The following MEST variants were observed in gnomAD, a reference collection of about 807,000 sequenced individuals.
The protein encoded by MEST is mesoderm specific transcript, also known as mesoderm-specific transcript homolog protein.
A neutral mutation model predicts 50.9 loss-of-function variants in MEST; 18 were observed. The observed-to-expected ratio is 0.35, with a 90% CI of 0.24 to 0.52. The LOEUF is 0.52. MEST is among the 20% of genes least tolerant of loss of function. The probability of loss-of-function intolerance (pLI) is 0.94; values close to 1 mark genes in which losing one functional copy is unlikely to be tolerated. For synonymous variants in MEST, 130 were observed against 154.1 expected (o/e 0.84, Z 1.16); for missense variants, 282 against 425.3 (o/e 0.66, Z 2.96).
Position 130,499,934 on chromosome 7 carries a change from G to T in MEST, c.576+19G>T, listed in dbSNP as rs375954018. ...CCAAAAGGTTGGTACTTCACTGATAGACCTTTAGTTTTAGGATTTGTACTG... is the reference window on the plus strand; with the variant it reads ...CCAAAAGGTTGGTACTTCACTGATATACCTTTAGTTTTAGGATTTGTACTG... On this transcript the variant is annotated intron_variant, in intron 7 of 11. Coordinates refer to ENST00000223215, the MANE Select transcript of MEST (RefSeq NM_002402.4). 7.5e-6 allele frequency: 12 copies of T among 1,605,512 alleles called. No homozygotes were observed. Among genetic ancestry groups the T allele is most frequent in the Non-Finnish European group, 1.0e-5 (12 of 1,174,802 alleles).
At chr7:130,502,760 A>G (rs1554438836) in intron 10 of MEST, 40 bp downstream of exon 10, 1 of 1,494,472 alleles carries the variant, frequency 6.7e-7, no homozygotes, top group Admixed American at 1.7e-5. Flanking sequence ...CTGAAGGACT[A>G]TAGGGTTAAA....
rs1554435549 is a variant in MEST at position 130,492,320 on chromosome 7, C to T, written c.7C>T (p.Arg3Cys). 5 of 1,338,162 alleles carry T rather than the reference C, an allele frequency of 3.7e-6. No homozygotes were observed. The highest frequency in any genetic ancestry group is 4.0e-5 in the Admixed American group (1 of 25,112). 82.9% of individuals were successfully genotyped at this position (1,338,162 alleles called of 1,614,324 possible). MV[R>C]RDRLRRMREW... Reference sequence around the variant, plus strand: ...GGCATGGGATAACGCGGCCATGGTGCGCCGAGATCGCCTCCGCAGGTGAGT... The same window carrying T: ...GGCATGGGATAACGCGGCCATGGTGTGCCGAGATCGCCTCCGCAGGTGAGT... Residue 3 changes from arginine to cysteine, a missense_variant, in exon 1 of 12, where the codon CGC becomes TGC. Physicochemically the swap from Arg to Cys is radical, Grantham distance 180 (BLOSUM62 -3). Coordinates refer to ENST00000223215, the MANE Select transcript of MEST (RefSeq NM_002402.4). This position sits in a 1 kb window ranked among gnomAD's most constrained non-coding sequence, Gnocchi z 7.6.
Position 130,497,861 on chromosome 7 carries a change from C to A in MEST, c.262-75C>A, listed in dbSNP as rs1346582390. ...CTGTTAAGCCAAGATAGGGCTGAAG[C>A]TCCTGTGCAACTGTAGGTCTGGTGA... On this transcript the variant is annotated intron_variant, in intron 3 of 11. Coordinates refer to ENST00000223215, the MANE Select transcript of MEST (RefSeq NM_002402.4). This position sits in a 1 kb window ranked among gnomAD's most constrained non-coding sequence, Gnocchi z 4.0. The A allele has an allele frequency of 1.8e-5, 24 of 1,349,110 alleles. No individual in the cohort carries two copies. The highest frequency in any genetic ancestry group is 2.6e-5 in the Non-Finnish European group (24 of 939,172). 83.6% of individuals were successfully genotyped at this position (1,349,110 alleles called of 1,614,324 possible).
Position 130,497,095 on chromosome 7 carries a change from C to A in MEST, c.182-61C>A. ...TTGTATCAGATTACTTAGATTTTAACATCTTCGAGGTTATTTTTATAGGGA... is the reference window on the plus strand; with the variant it reads ...TTGTATCAGATTACTTAGATTTTAAAATCTTCGAGGTTATTTTTATAGGGA... On this transcript the variant is annotated intron_variant, in intron 2 of 11. Transcript: ENST00000223215. This position sits in a 1 kb window ranked among gnomAD's most constrained non-coding sequence, Gnocchi z 4.0. 1.5e-6 allele frequency: 2 copies of A among 1,358,162 alleles called. No homozygotes were observed. The highest frequency in any genetic ancestry group is 1.0e-6 in the Non-Finnish European group (1 of 970,892). The allele number at this position is 1,358,162 out of a possible 1,614,324, so 84.1% of individuals were successfully genotyped here.
At position 130,500,721 on chromosome 7, in the gene MEST, G is replaced by C. The variant is rs1799245103; in HGVS notation, c.648-68G>C. 1.4e-6 allele frequency: 2 copies of C among 1,386,646 alleles called. No homozygotes were observed. Among genetic ancestry groups the C allele is most frequent in the Admixed American group, 4.0e-5 (2 of 49,854 alleles). The allele number at this position is 1,386,646 out of a possible 1,614,324, so 85.9% of individuals were successfully genotyped here. ...ATGGCCCAGACTGCATGGCCTCTGA[G>C]GTTCCAGCCATATTGAACATTCTGA... On this transcript the variant is annotated intron_variant, in intron 8 of 11. Coordinates refer to ENST00000223215, the MANE Select transcript of MEST (RefSeq NM_002402.4). This position sits in a 1 kb window ranked among gnomAD's most constrained non-coding sequence, Gnocchi z 5.0.
chr7:130,495,236 T>G, intron 1 of MEST, 132 bp from the exon 2 acceptor site: 2 of 838,914 alleles, frequency 2.4e-6, no homozygotes, highest in Non-Finnish European at 3.7e-6. Context: ...GTCAGCTTTG[T>G]GCCTATGTGA....
At chr7:130,504,039 T>A in intron 11 of MEST, 43 bp downstream of exon 11, 2 of 1,514,922 alleles carry the variant, frequency 1.3e-6, no homozygotes, top group South Asian at 1.1e-5. Context: ...TAGTATCTCA[T>A]CCTGACAGTG....
chr7:130,504,126 A>G (rs1799382673), intron 11 of MEST, 130 bp downstream of exon 11: 1 of 676,410 alleles, frequency 1.5e-6, no homozygotes, highest in Non-Finnish European at 2.6e-6. Flanking sequence ...TCCAGGAAAC[A>G]ATAAAAAGAT....
In MEST at chr7:130,500,777, GGA is replaced by G. The variant is rs1799247727; in HGVS notation, c.648-11_648-10del. Reference sequence around the variant, plus strand: ...CCTCACACTTATCTTCCTGCGTTTTGGACTCTTTCAGTCTCACCCCAGTCTTT... The same window carrying G: ...CCTCACACTTATCTTCCTGCGTTTTGCTCTTTCAGTCTCACCCCAGTCTTT... On this transcript the variant is annotated splice_polypyrimidine_tract_variant and intron_variant, in intron 8 of 11. Transcript: ENST00000223215. This position sits in a 1 kb window ranked among gnomAD's most constrained non-coding sequence, Gnocchi z 5.0. 1 of 1,599,224 alleles carries G rather than the reference GGA, an allele frequency of 6.3e-7. No individual in the cohort carries two copies. The highest frequency in any genetic ancestry group is 1.3e-5 in the African/African-American group (1 of 74,140).
chr7:130,502,517 C>A, intron 9 of MEST, 127 bp from the exon 10 acceptor site: 1 of 682,758 alleles, frequency 1.5e-6, no homozygotes, highest in Non-Finnish European at 2.5e-6. Context: ...GGGACATTTC[C>A]AGGAATGCTA....
In MEST at chr7:130,505,915, GTC is replaced by G. The variant is rs1216555853; in HGVS notation, c.*865_*866del. ...CTCATACCTCAGTGGTTAGAAGCAT[GTC>G]TCTCTTGAGCTACAGTAGAGGGGAA... On this transcript the variant is annotated 3_prime_UTR_variant, in exon 12 of 12. Transcript: ENST00000223215. The G allele has an allele frequency of 1.3e-5, 2 of 152,314 alleles. No individual in the cohort carries two copies. Among genetic ancestry groups the G allele is most frequent in the Admixed American group, 6.5e-5 (1 of 15,282 alleles). The allele number at this position is 152,314 out of a possible 1,614,324, so 9.4% of individuals were successfully genotyped here. A position where few individuals can be genotyped will look rare whatever the true frequency, so the allele number is the denominator to read the frequency against.
chr7:130,501,397 A>G (rs1202415846), intron 9 of MEST, among the ~76,000 whole-genome samples: 1 of 149,690 alleles, frequency 6.7e-6, no homozygotes, highest in Admixed American at 6.6e-5. Flanking sequence ...GAGGGAGCCA[A>G]TCCTCCCACC....
intron 6 of MEST, among the ~76,000 whole-genome samples, chr7:130,499,348 ACT>A (rs1799190136): frequency 1.3e-5 from 2 of 151,896 alleles, no homozygotes; most frequent in Admixed American, 6.6e-5. Context: ...AAAAGGAAAA[ACT>A]CTAGGGTTTT....
In MEST at chr7:130,502,673, A is replaced by C; in HGVS notation, c.779A>C (p.Lys260Thr). 6.2e-7 allele frequency: 1 copy of C among 1,613,990 alleles called. No individual in the cohort carries two copies. Among genetic ancestry groups the C allele is most frequent in the Non-Finnish European group, 8.5e-7 (1 of 1,179,888 alleles). The change falls in exon 10 of 12, where the codon AAG becomes ACG. Residue 260 changes from lysine to threonine, a missense_variant. Physicochemically the swap from Lys to Thr is moderately conservative, Grantham distance 78. Transcript: ENST00000223215. ...SLLQYINQRK[K>T]FRRRWVGALA... is the part of the protein sequence containing the mutation. The stretch of plus-strand genomic sequence containing the variant: ...TTACAGTACATCAATCAGAGGAAGA[A>C]GTTCAGAAGGCGCTGGGTGGGAGCT...
intron 10 of MEST, 148 bp downstream of exon 10, chr7:130,502,868 C>A (rs1311788804): frequency 4.8e-6 from 3 of 623,138 alleles, no homozygotes; most frequent in South Asian, 2.3e-5. Flanking sequence ...ACAACAAATG[C>A]TTTTTTAGTA....
At chr7:130,498,716 A>C (rs1554437863) in intron 6 of MEST, 2 of 584,974 alleles carry the variant, frequency 3.4e-6, no homozygotes, top group South Asian at 4.2e-5. Flanking sequence ...CTTTACTTAC[A>C]TAGTCAATAA....
At chr7:130,499,425 G>A (rs1349127400) in intron 6 of MEST, among the ~76,000 whole-genome samples, 4 of 152,074 alleles carry the variant, frequency 2.6e-5, no homozygotes, top group South Asian at 4.2e-4. Context: ...ATTAACCCTC[G>A]TGTTCTGAGT....
At position 130,495,564 on chromosome 7, in the gene MEST, A is replaced by T. The variant is rs372924388; in HGVS notation, c.181+42A>T. 3.8e-6 allele frequency: 6 copies of T among 1,592,612 alleles called. No homozygotes were observed. The African/African-American group carries it at 5.4e-5, about 14-fold the overall frequency. ...TGGAAGTCCTGCGTGTATCGGTCACATAAGTCCCAGCTGAGGTATTTATTT... is the reference window on the plus strand; with the variant it reads ...TGGAAGTCCTGCGTGTATCGGTCACTTAAGTCCCAGCTGAGGTATTTATTT... On this transcript the variant is annotated intron_variant, in intron 2 of 11. Transcript: ENST00000223215.
rs1201155382 is a variant in MEST, at chr7:130,505,160, A to G, written c.*104A>G. The G allele has an allele frequency of 2.3e-6, 2 of 858,630 alleles. No homozygotes were observed. Among genetic ancestry groups the G allele is most frequent in the Non-Finnish European group, 3.8e-6 (2 of 527,894 alleles). The allele number at this position is 858,630 out of a possible 1,614,324, so 53.2% of individuals were successfully genotyped here. A position where few individuals can be genotyped will look rare whatever the true frequency, so the allele number is the denominator to read the frequency against. ...AAAGAGGTCCTGGCCATCAAACATA[A>G]TTCTCTCACAAAGTCCACTTTACTC... On this transcript the variant is annotated 3_prime_UTR_variant, in exon 12 of 12. Transcript: ENST00000223215.
Sources: allele counts gnomAD v4.1 joint callset (sites outside exome capture counted in the v4.1 genomes callset), GRCh38; gene constraint gnomAD v4.1.1; non-coding constraint Gnocchi (gnomAD v3.1); transcripts MANE v1.5; gene names NCBI Gene and HGNC (gene_info 2026-07-23, HGNC 2026-07-21).